ATP7A: variants seen among roughly 807,000 people sequenced by gnomAD.
The protein encoded by ATP7A is copper-transporting ATPase 1.
Under a neutral mutation model 83.5 loss-of-function variants are expected in ATP7A, and 7 were observed. That is an observed-to-expected ratio of 0.08 (90% CI 0.05 to 0.16). ATP7A has a LOEUF of 0.16. Among genes scored for constraint, ATP7A ranks in the 10% least tolerant of loss-of-function variants. The probability of loss-of-function intolerance (pLI) is 1.00; values close to 1 mark genes in which losing one functional copy is unlikely to be tolerated. For synonymous variants in ATP7A, 354 were observed against 395.2 expected (o/e 0.90, Z 1.24); for missense variants, 940 against 1,120.8 (o/e 0.84, Z 2.30).
chrX:78,031,843 G>T (rs782235852), intron 16 of ATP7A, among the ~76,000 whole-genome samples: 1 of 112,024 alleles, frequency 8.9e-6, no homozygotes, highest in Admixed American at 9.5e-5. Flanking sequence ...CATATTTGTG[G>T]TAGGACAATT....
At chrX:77,926,257 A>G (rs1275119688) in intron 1 of ATP7A, among the ~76,000 whole-genome samples, 2 of 112,454 alleles carry the variant, frequency 1.8e-5, no homozygotes, top group African/African-American at 6.5e-5. Flanking sequence ...AAATACATTT[A>G]CTTTTCCAAA....
At chrX:78,021,123 G>A (rs782590614) in intron 14 of ATP7A, 44 bp downstream of exon 14, 4 of 1,150,930 alleles carry the variant, frequency 3.5e-6, no homozygotes, top group Admixed American at 4.4e-5. Flanking sequence ...AGAACAATTT[G>A]TGAGTCTTTT....
intron 14 of ATP7A, among the ~76,000 whole-genome samples, chrX:78,025,841 G>A (rs1276266904): frequency 9.1e-6 from 1 of 110,341 alleles, no homozygotes; most frequent in Non-Finnish European, 1.9e-5. Flanking sequence ...GCCAAATTAA[G>A]CTTCATACAT....
intron 1 of ATP7A, among the ~76,000 whole-genome samples, chrX:77,932,253 T>C (rs1557224535): frequency 9.4e-6 from 1 of 106,100 alleles, no homozygotes. Flanking sequence ...GAGGCGCTCC[T>C]CACATCCCAG....
chrX:77,925,544 C>T (rs1557223501), intron 1 of ATP7A, among the ~76,000 whole-genome samples: 3 of 111,003 alleles, frequency 2.7e-5, no homozygotes, highest in African/African-American at 9.8e-5. Context: ...TTAGGTATGC[C>T]ACTAACTCTG....
In ATP7A at chrX:78,042,581, A is replaced by G. The variant is rs1557238566; in HGVS notation, c.3802-4A>G. ...AATGAATTGAGTTTATTTTCATCAC[A>G]TAGGTTGGCATTACTAAGGTGTTTG... On this transcript the variant is annotated splice_region_variant and splice_polypyrimidine_tract_variant and intron_variant, in intron 19 of 22. Coordinates refer to ENST00000341514, the MANE Select transcript of ATP7A (RefSeq NM_000052.7). 1 of 1,209,241 alleles carries G rather than the reference A, an allele frequency of 8.3e-7. No individual in the cohort carries two copies. Among genetic ancestry groups the G allele is most frequent in the South Asian group, 1.8e-5 (1 of 56,940 alleles).
In ATP7A at chrX:78,030,317, G is replaced by C. The variant is rs782499477; in HGVS notation, c.3111+873G>C. The stretch of plus-strand genomic sequence containing the variant: ...CACACCTGTAATCCCAACTACTCAG[G>C]AGACTGAGGCAGGAGAATCGCTTGA... On this transcript the variant is annotated intron_variant, in intron 15 of 22. Coordinates refer to ENST00000341514, the MANE Select transcript of ATP7A (RefSeq NM_000052.7). Among the ~76,000 whole-genome samples, 3 of 110,362 alleles carry C rather than the reference G, an allele frequency of 2.7e-5. No individual in the cohort carries two copies. The Admixed American group carries it at 2.9e-4, about 11-fold the overall frequency.
chrX:77,920,021 A>G (rs903962221), intron 1 of ATP7A, among the ~76,000 whole-genome samples: 1 of 110,830 alleles, frequency 9.0e-6, no homozygotes, highest in African/African-American at 3.3e-5. Context: ...TAATTTCAAC[A>G]TTTATTTTTG....
rs1603391261 is a variant in ATP7A, at chrX:78,043,373, G to A, written c.4062G>A (p.Arg1354=). Residue 1354 remains arginine, a synonymous_variant, in exon 21 of 23, where the codon AGG becomes AGA. Transcript: ENST00000341514. The part of the protein sequence containing the change: ...SIDLSRKTVK[R]IRINFVFALI... ...ACTTATCAAGAAAGACAGTCAAGAG[G>A]ATTCGGATAAATTTTGTCTTTGCTC... is the stretch of plus-strand genomic sequence containing the variant. 8.3e-7 allele frequency: 1 copy of A among 1,208,450 alleles called. No homozygotes were observed. The highest frequency in any genetic ancestry group is 1.8e-5 in the South Asian group (1 of 56,819).
chrX:77,970,674 AAAAC>A (rs1195798923), intron 1 of ATP7A, among the ~76,000 whole-genome samples: 4 of 111,650 alleles, frequency 3.6e-5, no homozygotes, highest in Admixed American at 1.9e-4. Context: ...CTCAAAAACA[AAAAC>A]AAAAACAAAA....
At chrX:78,032,148 C>A (rs1168038703) in intron 16 of ATP7A, among the ~76,000 whole-genome samples, 2 of 112,093 alleles carry the variant, frequency 1.8e-5, no homozygotes, top group Non-Finnish European at 3.8e-5. Context: ...AATGATCAAT[C>A]TTTGTTACCT....
chrX:77,949,554 A>G (rs1475784048), intron 1 of ATP7A, among the ~76,000 whole-genome samples: 11 of 111,869 alleles, frequency 9.8e-5, no homozygotes, highest in African/African-American at 3.6e-4. Context: ...TGGCCATGAG[A>G]AGTTCAGTGG....
At chrX:77,969,605 C>T (rs1387124157) in intron 1 of ATP7A, 2 of 1,210,441 alleles carry the variant, frequency 1.7e-6, no homozygotes, top group South Asian at 1.8e-5. Context: ...GTGCTCTCGC[C>T]GTGCCGGATC....
At chrX:78,037,478 A>G (rs1557237857) in intron 17 of ATP7A, among the ~76,000 whole-genome samples, 1 of 111,876 alleles carries the variant, frequency 8.9e-6, no homozygotes, top group East Asian at 2.8e-4. Flanking sequence ...CTGCAGTGGT[A>G]TAGATGGTAT....
Position 78,005,510 on chromosome X carries a change from C to T in ATP7A, c.1707+2274C>T, listed in dbSNP as rs190246802. On this transcript the variant is annotated intron_variant, in intron 6 of 22. Transcript: ENST00000341514. ...CACCCTCGCCAACATGGTGAAACCC[C>T]GTCTCTACTAAAAATACAAAAAATT... Among the ~76,000 whole-genome samples, 975 of 108,187 alleles carry T rather than the reference C, an allele frequency of 9.0e-3. 10 individuals carry two copies. Among genetic ancestry groups the T allele is most frequent in the Middle Eastern group, 0.019 (4 of 211 alleles). 93.9% of individuals were successfully genotyped at this position (108,187 alleles called of 115,157 possible).
At chrX:78,040,202 C>A (rs2078038463) in intron 18 of ATP7A, among the ~76,000 whole-genome samples, 1 of 55,323 alleles carries the variant, frequency 1.8e-5, no homozygotes, top group Non-Finnish European at 3.3e-5. Context: ...TCTCTCTGCC[C>A]CCCCCCCCTT....
intron 1 of ATP7A, among the ~76,000 whole-genome samples, chrX:77,948,002 A>G (rs1479808215): frequency 1.8e-5 from 2 of 109,449 alleles, no homozygotes; most frequent in African/African-American, 6.6e-5. Flanking sequence ...AGCCTCCCAG[A>G]GTGCTGGGAT....
chrX:78,013,406 TA>T (rs782553850), intron 10 of ATP7A, among the ~76,000 whole-genome samples: 131 of 111,851 alleles, frequency 1.2e-3, no homozygotes, highest in African/African-American at 3.9e-3. Flanking sequence ...CCACATGGTT[TA>T]AAATAATGAT....
At chrX:78,002,799 TACACACACACACACACACAC>T (rs781808445) in intron 5 of ATP7A, among the ~76,000 whole-genome samples, 6 of 87,125 alleles carry the variant, frequency 6.9e-5, no homozygotes, top group Admixed American at 6.6e-4. Context: ...TATGTTCTTA[TACACACACACACACACACAC>T]ACACACACAC....
Sources: gnomAD v4.1 joint callset for allele counts (sites outside exome capture counted in the v4.1 genomes callset) on GRCh38, gnomAD v4.1.1 for gene constraint, MANE v1.5 for transcripts, NCBI Gene and HGNC (gene_info 2026-07-23, HGNC 2026-07-21) for gene names.